Variants in GMDS observed in about 807,000 individuals in gnomAD.
The protein encoded by GMDS is GDP-mannose 4,6-dehydratase, also known as GDP-mannose 4,6 dehydratase.
In GMDS, 20 loss-of-function variants were observed where a neutral mutation model predicts 49.9. The observed-to-expected ratio is 0.40, with a 90% CI of 0.28 to 0.58. The LOEUF is 0.58. GMDS is among the 20% of genes least tolerant of loss of function. GMDS has a pLI of 0.42. For synonymous variants in GMDS, 177 were observed against 178.6 expected (o/e 0.99, Z 0.07); for missense variants, 362 against 481.4 (o/e 0.75, Z 2.32).
chr6:1,842,418 G>C (rs946238534), intron 7 of GMDS, among the ~76,000 whole-genome samples: 3 of 152,218 alleles, frequency 2.0e-5, no homozygotes, highest in African/African-American at 7.2e-5. Flanking sequence ...ACTCTAGCTA[G>C]GGAGATGGGA....
chr6:2,115,152 A>C (rs1774772985), intron 4 of GMDS, among the ~76,000 whole-genome samples: 1 of 152,108 alleles, frequency 6.6e-6, no homozygotes, highest in Admixed American at 6.5e-5. Context: ...GGCAACAAAA[A>C]CTTGAATTAA....
At chr6:2,044,293 A>G (rs1018778744) in intron 4 of GMDS, among the ~76,000 whole-genome samples, 1 of 152,222 alleles carries the variant, frequency 6.6e-6, no homozygotes, top group Non-Finnish European at 1.5e-5. Flanking sequence ...TTCGCAATAG[A>G]AGACATGAAA....
rs1198946425 is a variant in GMDS at position 2,026,029 on chromosome 6, T to C, written c.346-65063A>G. On this transcript the variant is annotated intron_variant, in intron 4 of 10. Coordinates refer to ENST00000380815, the MANE Select transcript of GMDS (RefSeq NM_001500.4). ...ATAACTTTTTAAATTAATTTTAAGGTTCCTTAGCACATTGTACTCAAATAC... is the reference window on the plus strand; with the variant it reads ...ATAACTTTTTAAATTAATTTTAAGGCTCCTTAGCACATTGTACTCAAATAC... Among the ~76,000 whole-genome samples the C allele has an allele frequency of 2.0e-5, 3 of 152,328 alleles. No individual in the cohort carries two copies. The East Asian group carries it at 5.8e-4, about 29-fold the overall frequency.
At chr6:2,092,040 T>C (rs1255386380) in intron 4 of GMDS, among the ~76,000 whole-genome samples, 1 of 151,996 alleles carries the variant, frequency 6.6e-6, no homozygotes, top group African/African-American at 2.4e-5. Flanking sequence ...TTTCTAAATA[T>C]TAAAAATAGA....
At chr6:1,859,164 C>T (rs1460251593) in intron 7 of GMDS, among the ~76,000 whole-genome samples, 1 of 152,160 alleles carries the variant, frequency 6.6e-6, no homozygotes, top group African/African-American at 2.4e-5. Flanking sequence ...CCAGATGCAG[C>T]ACTTACCCAG....
intron 7 of GMDS, among the ~76,000 whole-genome samples, chr6:1,919,064 T>C (rs1188417271): frequency 6.6e-6 from 1 of 152,218 alleles, no homozygotes; most frequent in Non-Finnish European, 1.5e-5. Flanking sequence ...ATTTTTATAA[T>C]TTTATAAAGA....
chr6:1,868,017 C>T (rs1448391669), intron 7 of GMDS, among the ~76,000 whole-genome samples: 6 of 151,260 alleles, frequency 4.0e-5, no homozygotes, highest in East Asian at 3.9e-4. Flanking sequence ...CCTGGAGTCT[C>T]GCTCTGTCAC....
At chr6:1,868,227 T>G (rs995507325) in intron 7 of GMDS, among the ~76,000 whole-genome samples, 8 of 152,130 alleles carry the variant, frequency 5.3e-5, no homozygotes, top group African/African-American at 1.7e-4. Context: ...CCTTGTGACC[T>G]GCCTGCCTCG....
At chr6:2,222,871 G>T (rs1361429438) in intron 1 of GMDS, among the ~76,000 whole-genome samples, 2 of 152,120 alleles carry the variant, frequency 1.3e-5, no homozygotes, top group Non-Finnish European at 2.9e-5. Context: ...CTATTTTTTA[G>T]ATGTGATTAA....
At chr6:1,650,723 C>A (rs1475001617) in intron 9 of GMDS, among the ~76,000 whole-genome samples, 2 of 148,952 alleles carry the variant, frequency 1.3e-5, no homozygotes, top group African/African-American at 5.0e-5. Context: ...TACAGGTGTG[C>A]ATCACCATGC....
At chr6:2,077,002 G>T (rs1023464760) in intron 4 of GMDS, among the ~76,000 whole-genome samples, 1 of 151,912 alleles carries the variant, frequency 6.6e-6, no homozygotes, top group African/African-American at 2.4e-5. Context: ...TTGCTTTGTC[G>T]AAATCTTTAC....
chr6:2,138,508 T>C (rs1446367955), intron 1 of GMDS, among the ~76,000 whole-genome samples: 1 of 152,222 alleles, frequency 6.6e-6, no homozygotes, highest in Non-Finnish European at 1.5e-5. Flanking sequence ...ACATTTGATA[T>C]AGTTTAGATT....
At chr6:2,192,099 T>C (rs911368227) in intron 1 of GMDS, among the ~76,000 whole-genome samples, 1 of 151,826 alleles carries the variant, frequency 6.6e-6, no homozygotes. Flanking sequence ...GCAGAGACAA[T>C]GGGACAAGCT....
chr6:1,787,860 G>C (rs1769383573), intron 7 of GMDS, among the ~76,000 whole-genome samples: 1 of 152,204 alleles, frequency 6.6e-6, no homozygotes, highest in African/African-American at 2.4e-5. Flanking sequence ...GCTGGCAAAT[G>C]CATCATTTTT....
chr6:2,157,949 T>C (rs1777189630), intron 1 of GMDS, among the ~76,000 whole-genome samples: 1 of 152,186 alleles, frequency 6.6e-6, no homozygotes, highest in Non-Finnish European at 1.5e-5. Flanking sequence ...CATCTCTGTT[T>C]GGAAATGGGC....
At chr6:1,638,941 A>G (rs1333425429) in intron 9 of GMDS, among the ~76,000 whole-genome samples, 1 of 152,214 alleles carries the variant, frequency 6.6e-6, no homozygotes, top group Non-Finnish European at 1.5e-5. Context: ...GAGTGCAGAA[A>G]GAAAGAGACA....
chr6:1,758,057 G>T (rs1047790414), intron 7 of GMDS, among the ~76,000 whole-genome samples: 1 of 152,212 alleles, frequency 6.6e-6, no homozygotes, highest in African/African-American at 2.4e-5. Flanking sequence ...GACACACAAG[G>T]CTGTGGCTAC....
intron 7 of GMDS, among the ~76,000 whole-genome samples, chr6:1,771,387 T>C (rs1245137839): frequency 6.6e-6 from 1 of 152,226 alleles, no homozygotes; most frequent in Non-Finnish European, 1.5e-5. Context: ...ACTTAATGAC[T>C]GTGACGCTGG....
At chr6:2,227,078 GT>G (rs1232304362) in intron 1 of GMDS, among the ~76,000 whole-genome samples, 4 of 151,830 alleles carry the variant, frequency 2.6e-5, no homozygotes, top group East Asian at 1.9e-4. Context: ...TGCGGGTGTT[GT>G]TTTTTTTCCC....
Sources: allele counts gnomAD v4.1 joint callset (sites outside exome capture counted in the v4.1 genomes callset), GRCh38; gene constraint gnomAD v4.1.1; transcripts MANE v1.5; gene names NCBI Gene and HGNC (gene_info 2026-07-23, HGNC 2026-07-21).